Variants in RASEF observed in about 807,000 individuals in gnomAD.
RASEF encodes the protein RAS and EF-hand domain containing.
A neutral mutation model predicts 90.1 loss-of-function variants in RASEF; 68 were observed. The observed-to-expected ratio is 0.75, with a 90% CI of 0.62 to 0.92. RASEF has a LOEUF of 0.92. Ranked by LOEUF, RASEF falls within the 40% of genes least tolerant of loss-of-function variation. The probability of loss-of-function intolerance (pLI) is 0.00; values close to 1 mark genes in which losing one functional copy is unlikely to be tolerated. For missense variants in RASEF, 949 were observed against 937.2 expected (o/e 1.01, Z -0.16); for synonymous variants, 331 against 345.2 (o/e 0.96, Z 0.46).
intron 7 of RASEF, among the ~76,000 whole-genome samples, chr9:83,006,177 C>T (rs1829127120): frequency 6.6e-6 from 1 of 152,246 alleles, no homozygotes; most frequent in Non-Finnish European, 1.5e-5. Context: ...TCACTTCCTC[C>T]AGAACACTTC....
At chr9:83,079,685 C>G in the RASEF span, among the ~76,000 whole-genome samples, 4 of 150,464 alleles carry the variant, frequency 2.7e-5, no homozygotes, top group Middle Eastern at 0.015. Flanking sequence ...AAAAAATACT[C>G]ATGTCAGAGA....
chr9:83,101,019 T>C, the RASEF span, among the ~76,000 whole-genome samples: 1 of 152,184 alleles, frequency 6.6e-6, no homozygotes, highest in African/African-American at 2.4e-5. Flanking sequence ...CAGTTTCAAA[T>C]ATTTCTTTTT....
At chr9:83,113,121 T>A in the RASEF span, among the ~76,000 whole-genome samples, 3 of 152,198 alleles carry the variant, frequency 2.0e-5, no homozygotes, top group Non-Finnish European at 4.4e-5. Flanking sequence ...AGGGACCGAC[T>A]GGAGCCGAGG....
chr9:83,128,230 C>T, the RASEF span, among the ~76,000 whole-genome samples: 24 of 151,882 alleles, frequency 1.6e-4, no homozygotes, highest in South Asian at 4.2e-4. Flanking sequence ...ATAGTGACAA[C>T]GGCAGGAGGC....
chr9:83,048,868 C>T (rs1314620090), intron 1 of RASEF: 1 of 636,854 alleles, frequency 1.6e-6, no homozygotes, highest in Non-Finnish European at 2.0e-6. Context: ...GTGGCTCACG[C>T]CTGTCATCCC....
In RASEF at chr9:83,062,707, A is replaced by C. The variant is rs1441114396; in HGVS notation, c.161T>G (p.Leu54Arg). The change falls in exon 1 of 17, where the codon CTG (leucine) becomes CGG (arginine). Residue 54 changes from leucine to arginine, a missense_variant. By Grantham distance (102) the Leu-to-Arg change is moderately radical. This residue lies in a region of RASEF where 656 missense variants were observed against 592.2 expected (regional missense o/e 1.11). Coordinates refer to ENST00000376447, the MANE Select transcript of RASEF (RefSeq NM_152573.4). ...PADAEAVFQR[L>R]DADRDGAITF... ...GATGGCGCCGTCACGGTCGGCGTCCAGCCGCTGGAATACTGCCTCGGCGTC... is the reference window on the plus strand; with the variant it reads ...GATGGCGCCGTCACGGTCGGCGTCCCGCCGCTGGAATACTGCCTCGGCGTC... The C allele has an allele frequency of 3.8e-6, 6 of 1,578,532 alleles. No individual in the cohort carries two copies. The highest frequency in any genetic ancestry group is 1.7e-6 in the Non-Finnish European group (2 of 1,170,908).
intron 5 of RASEF, among the ~76,000 whole-genome samples, chr9:83,012,216 T>C (rs1829259315): frequency 6.6e-6 from 1 of 152,216 alleles, no homozygotes. Flanking sequence ...TCTTTATTAC[T>C]TTGTATGAAA....
chr9:83,205,358 T>C, the RASEF span, among the ~76,000 whole-genome samples: 1 of 152,222 alleles, frequency 6.6e-6, no homozygotes, highest in African/African-American at 2.4e-5. Flanking sequence ...CCCACTAGTT[T>C]GAATAGCACT....
At chr9:83,053,878 T>G (rs1362822893) in intron 1 of RASEF, among the ~76,000 whole-genome samples, 3 of 66,670 alleles carry the variant, frequency 4.5e-5, no homozygotes, top group Non-Finnish European at 8.0e-5. Flanking sequence ...TGGCCCCCAC[T>G]CTCTTCTGGC....
chr9:83,073,375 C>T, the RASEF span, among the ~76,000 whole-genome samples: 1 of 152,126 alleles, frequency 6.6e-6, no homozygotes, highest in East Asian at 1.9e-4. Flanking sequence ...CCACCCCCAC[C>T]ACCCCACCTT....
chr9:83,065,539 T>C (rs73471447), upstream of RASEF, among the ~76,000 whole-genome samples: 3,510 of 152,324 alleles, frequency 0.023, 125 homozygotes, highest in African/African-American at 0.079. Context: ...ACAAGTCACA[T>C]TGGCAAGTCA....
chr9:83,016,770 G>A (rs1019931381), intron 3 of RASEF, among the ~76,000 whole-genome samples: 3 of 152,102 alleles, frequency 2.0e-5, no homozygotes, highest in Non-Finnish European at 4.4e-5. Flanking sequence ...GAGTAAGGTA[G>A]GGCCTCTCTG....
rs148617921 is a variant in RASEF at position 83,049,629 on chromosome 9, C to T, written c.431+12808G>A. Among the ~76,000 whole-genome samples, 488 of 144,226 alleles carry T rather than the reference C, an allele frequency of 3.4e-3. 8 individuals are homozygous for T. In the East Asian group the frequency reaches 0.034, roughly 10 times the overall value. 94.6% of individuals were successfully genotyped at this position (144,226 alleles called of 152,430 possible). On this transcript the variant is annotated intron_variant, in intron 1 of 16. Coordinates refer to ENST00000376447, the MANE Select transcript of RASEF (RefSeq NM_152573.4). ...TATGTATACATGTGCCATGCTGGTG[C>T]GCTGCACGCACTAACGTGTCATCTA... is the stretch of plus-strand genomic sequence containing the variant.
the RASEF span, among the ~76,000 whole-genome samples, chr9:83,204,558 T>C: frequency 3.3e-4 from 50 of 152,290 alleles, no homozygotes; most frequent in African/African-American, 1.2e-3. Context: ...TTTCAGAGAA[T>C]TGGACCACTT....
Position 82,982,549 on chromosome 9 carries a change from G to C in RASEF, c.*128C>G, listed in dbSNP as rs1828627241. The C allele has an allele frequency of 1.5e-6, 1 of 654,974 alleles. No individual in the cohort carries two copies. Among genetic ancestry groups the C allele is most frequent in the Non-Finnish European group, 2.8e-6 (1 of 358,678 alleles). The allele number at this position is 654,974 out of a possible 1,614,324, so 40.6% of individuals were successfully genotyped here. On this transcript the variant is annotated 3_prime_UTR_variant, in exon 17 of 17. Transcript: ENST00000376447. ...CAGAGGGACCTGAGAGCTGGGTTCA[G>C]GTTTCCTGCACTGTAACTCTCCATA...
At chr9:83,049,383 G>A in intron 1 of RASEF, 1 of 965,010 alleles carries the variant, frequency 1.0e-6, no homozygotes, top group African/African-American at 1.8e-5. Flanking sequence ...GCTCATACAT[G>A]GCTATCTTGA....
At chr9:83,103,165 A>C in the RASEF span, among the ~76,000 whole-genome samples, 1 of 152,196 alleles carries the variant, frequency 6.6e-6, no homozygotes, top group African/African-American at 2.4e-5. Flanking sequence ...TGCAGAGTGT[A>C]AAGCTGAGTG....
the RASEF span, among the ~76,000 whole-genome samples, chr9:83,172,486 A>C: frequency 7.3e-5 from 11 of 151,542 alleles, no homozygotes; most frequent in Non-Finnish European, 1.6e-4. Context: ...TTTGTGGACA[A>C]GTGATTTTCA....
At chr9:83,037,323 T>C (rs1247009695) in intron 1 of RASEF, among the ~76,000 whole-genome samples, 1 of 150,802 alleles carries the variant, frequency 6.6e-6, no homozygotes, top group Non-Finnish European at 1.5e-5. Context: ...AAAAAAAAAA[T>C]AAACAGTTGC....
Sources: gnomAD v4.1 joint callset for allele counts (sites outside exome capture counted in the v4.1 genomes callset) on GRCh38, gnomAD v4.1.1 for gene constraint, gnomAD v4.1.1 regional missense constraint, MANE v1.5 for transcripts, NCBI Gene and HGNC (gene_info 2026-07-23, HGNC 2026-07-21) for gene names.